DNAH2: variants seen among roughly 807,000 people sequenced by gnomAD.
The protein encoded by DNAH2 is axonemal beta dynein heavy chain 2.
DNAH2 carries 323 observed loss-of-function variants against 523.5 expected under a neutral mutation model. The ratio of observed to expected loss-of-function variants is 0.62; its 90% CI spans 0.56 to 0.68. The LOEUF (loss-of-function observed/expected upper bound fraction) is 0.68. Ranked by LOEUF, DNAH2 falls within the 30% of genes least tolerant of loss-of-function variation. DNAH2 has a pLI of 0.00. For missense variants in DNAH2, 4,907 were observed against 5,701.5 expected (o/e 0.86, Z 4.49); for synonymous variants, 2,093 against 2,177.4 (o/e 0.96, Z 1.08).
chr17:7,803,025 G>A (rs1043659949), intron 58 of DNAH2, among the ~76,000 whole-genome samples: 6 of 152,072 alleles, frequency 3.9e-5, no homozygotes, highest in South Asian at 2.1e-4. Context: ...ATGTGGATAC[G>A]GAAGGCTGGC....
At chr17:7,819,928 C>G (rs2077807249) in intron 72 of DNAH2, among the ~76,000 whole-genome samples, 1 of 152,172 alleles carries the variant, frequency 6.6e-6, no homozygotes, top group African/African-American at 2.4e-5. Flanking sequence ...CACCAACACC[C>G]ACAACCCAGT....
At chr17:7,824,461 C>T in intron 76 of DNAH2, 76 bp from the exon 77 acceptor site, 5 of 1,422,548 alleles carry the variant, frequency 3.5e-6, no homozygotes, top group Non-Finnish European at 4.6e-6. Flanking sequence ...CACCCCCACC[C>T]CAACACCAGG....
chr17:7,782,585 A>G (rs1377663448), intron 39 of DNAH2, among the ~76,000 whole-genome samples: 2 of 152,200 alleles, frequency 1.3e-5, no homozygotes, highest in Non-Finnish European at 2.9e-5. Flanking sequence ...AAAATCACAA[A>G]ACACACAAGG....
In DNAH2 at chr17:7,797,835, C is replaced by A; in HGVS notation, c.8230+6C>A. On this transcript the variant is annotated splice_donor_region_variant and intron_variant, in intron 53 of 85. Transcript: ENST00000572933. ...CCGAGAGGCTATTGAACACAGTGAGCACCTGCCACGCCTATCCCCTTCCCC... is the reference window on the plus strand; with the variant it reads ...CCGAGAGGCTATTGAACACAGTGAGAACCTGCCACGCCTATCCCCTTCCCC... The A allele has an allele frequency of 6.2e-7, 1 of 1,605,962 alleles. No homozygotes were observed. Among genetic ancestry groups the A allele is most frequent in the Non-Finnish European group, 8.5e-7 (1 of 1,175,680 alleles).
intron 12 of DNAH2, among the ~76,000 whole-genome samples, chr17:7,746,923 G>T (rs2075533282): frequency 6.6e-6 from 1 of 151,630 alleles, no homozygotes; most frequent in African/African-American, 2.4e-5. Context: ...GGAGGCGGAG[G>T]TTGCAGTGAG....
intron 52 of DNAH2, 52 bp from the exon 53 acceptor site, chr17:7,797,628 G>A: frequency 1.2e-6 from 2 of 1,613,864 alleles, no homozygotes; most frequent in South Asian, 2.2e-5. Context: ...AGCCCTGTGG[G>A]GGGAGGCAAA....
intron 77 of DNAH2, 141 bp from the exon 78 acceptor site, chr17:7,830,152 TAGATCAA>T: frequency 1.3e-6 from 1 of 760,712 alleles, no homozygotes; most frequent in South Asian, 2.1e-5. Flanking sequence ...TCTTGGCATG[TAGATCAA>T]CGGCTACATT....
At position 7,830,737 on chromosome 17, in the gene DNAH2, G is replaced by T. The variant is rs750520742; in HGVS notation, c.12125G>T (p.Gly4042Val). ...PWDALKYLIAGINYGGHVTDD... is the reference protein window; with the variant it reads ...PWDALKYLIAVINYGGHVTDD... Reference sequence around the variant, plus strand: ...GACGCACTTAAGTACCTCATTGCCGGCATCAACTATGGTGGACATGTCACA... The same window carrying T: ...GACGCACTTAAGTACCTCATTGCCGTCATCAACTATGGTGGACATGTCACA... The change falls in exon 79 of 86, where the codon GGC (glycine) becomes GTC (valine). Residue 4042 changes from glycine to valine, a missense_variant. Gly to Val is a moderately radical substitution (Grantham distance 109, BLOSUM62 -3). Around this residue, in one of 3 missense-constraint regions of DNAH2, gnomAD observed 1,851 missense variants for 2,139.4 expected, o/e 0.87. Transcript: ENST00000572933. The T allele has an allele frequency of 2.5e-5, 41 of 1,614,054 alleles. 1 individual carries two copies. Among genetic ancestry groups the T allele is most frequent in the South Asian group, 1.3e-4 (12 of 91,090 alleles).
intron 8 of DNAH2, chr17:7,739,089 G>A (rs1468141813): frequency 1.5e-6 from 1 of 682,488 alleles, no homozygotes; most frequent in African/African-American, 1.8e-5. Flanking sequence ...CCAGGAACCA[G>A]GGCAAACGGG....
chr17:7,767,965 G>C lies in DNAH2; in HGVS notation c.3741G>C (p.Trp1247Cys). 1 of 1,614,158 alleles carries C rather than the reference G, an allele frequency of 6.2e-7. No homozygotes were observed. The highest frequency in any genetic ancestry group is 8.5e-7 in the Non-Finnish European group (1 of 1,180,036). ...ARDWEENWNEWKTGRFLILQT... is the reference protein window; with the variant it reads ...ARDWEENWNECKTGRFLILQT... ...ACTGGGAGGAGAACTGGAATGAGTG[G>C]AAGACTGGCCGGTTCCTGATCCTGC... The change falls in exon 23 of 86, where the codon TGG (tryptophan) becomes TGC (cysteine). Residue 1247 changes from tryptophan to cysteine, a missense_variant. Around this residue, in one of 3 missense-constraint regions of DNAH2, gnomAD observed 2,806 missense variants for 3,190.8 expected, o/e 0.88. Transcript: ENST00000572933.
Position 7,794,363 on chromosome 17 carries a change from G to C in DNAH2, c.7674+5G>C, listed in dbSNP as rs1259712625. Reference sequence around the variant, plus strand: ...ATCAACATGACCTTCCCCACAGTGAGGACCTCATGGGGGCTGCAGGACGAG... The same window carrying C: ...ATCAACATGACCTTCCCCACAGTGACGACCTCATGGGGGCTGCAGGACGAG... On this transcript the variant is annotated splice_donor_5th_base_variant and intron_variant, in intron 49 of 85. Transcript: ENST00000572933. 3 of 1,603,622 alleles carry C rather than the reference G, an allele frequency of 1.9e-6. No homozygotes were observed. The highest frequency in any genetic ancestry group is 2.6e-6 in the Non-Finnish European group (3 of 1,175,042).
intron 4 of DNAH2, among the ~76,000 whole-genome samples, chr17:7,731,133 T>TAAA (rs1387953923): frequency 2.9e-4 from 33 of 114,706 alleles, no homozygotes; most frequent in South Asian, 1.9e-3. Context: ...AATAAATAAA[T>TAAA]TAATTAAATT....
rs1597440907 is a variant in DNAH2, at chr17:7,719,810, A to C, written c.76A>C (p.Thr26Pro). 6.2e-7 allele frequency: 1 copy of C among 1,613,052 alleles called. No individual in the cohort carries two copies. The highest frequency in any genetic ancestry group is 8.5e-7 in the Non-Finnish European group (1 of 1,179,580). Residue 26 changes from threonine to proline, a missense_variant, in exon 2 of 86, where the codon ACT becomes CCT. By Grantham distance (38) the Thr-to-Pro change is conservative. Coordinates refer to ENST00000572933, the MANE Select transcript of DNAH2 (RefSeq NM_020877.5). ...SSQASWSGRA[T>P]RAAVATQEQG... ...CCAGGCAAGCTGGTCAGGGCGGGCC[A>C]CTCGGGCTGCTGTGGCCACACAGGA...
Position 7,756,449 on chromosome 17 carries a change from A to AT in DNAH2, c.1905-636dup, listed in dbSNP as rs549469386. ...CACTACCATGCCTGGCTAATTTTTGATTTTTTGTAGAGATGGGGGTCTCAC... is the reference window on the plus strand; with the variant it reads ...CACTACCATGCCTGGCTAATTTTTGATTTTTTTGTAGAGATGGGGGTCTCAC... On this transcript the variant is annotated intron_variant, in intron 12 of 85. Coordinates refer to ENST00000572933, the MANE Select transcript of DNAH2 (RefSeq NM_020877.5). Among the ~76,000 whole-genome samples, 144 of 150,452 alleles carry AT rather than the reference A, an allele frequency of 9.6e-4. 1 individual carries two copies. The highest frequency in any genetic ancestry group is 3.4e-3 in the African/African-American group (138 of 40,962).
intron 12 of DNAH2, among the ~76,000 whole-genome samples, chr17:7,752,103 C>T (rs962072258): frequency 6.8e-6 from 1 of 146,056 alleles, no homozygotes; most frequent in Non-Finnish European, 1.5e-5. Context: ...CGGGCCTGGC[C>T]AACAGTGTTT....
Position 7,758,624 on chromosome 17 carries a change from C to T in DNAH2, c.2181C>T (p.Ile727=). 6.2e-7 allele frequency: 1 copy of T among 1,613,980 alleles called. No individual in the cohort carries two copies. The highest frequency in any genetic ancestry group is 8.5e-7 in the Non-Finnish European group (1 of 1,179,986). Residue 727 remains isoleucine (I), a synonymous_variant, in exon 14 of 86, where the codon ATC becomes ATT. Coordinates refer to ENST00000572933, the MANE Select transcript of DNAH2 (RefSeq NM_020877.5). ...TGAAGGGGGCCAGTGCCTTCTTCAT[C>T]ACGGAGTGCCGTATACATGCCAGCA... is the stretch of plus-strand genomic sequence containing the variant. ...WALKGASAFF[I]TECRIHASKV...
chr17:7,807,474 A>T lies in DNAH2; in HGVS notation c.9617A>T (p.Tyr3206Phe). ...LCMWVRAMEL[Y>F]GRLYRVVEPK... ...AGCCTGACTGTCTCCCCACAGCTGT[A>T]TGGGCGGCTATATCGGGTGGTGGAG... The change falls in exon 63 of 86, where the codon TAT (tyrosine) becomes TTT (phenylalanine). Residue 3206 changes from tyrosine (Y) to phenylalanine (F), a missense_variant. Tyr to Phe is a conservative substitution (Grantham distance 22). This residue lies in a region of DNAH2 where 1,851 missense variants were observed against 2,139.4 expected (regional missense o/e 0.87). Coordinates refer to ENST00000572933, the MANE Select transcript of DNAH2 (RefSeq NM_020877.5). The surrounding 1 kb of genome is among the most constrained non-coding windows in gnomAD (Gnocchi z 5.6). 2 of 1,613,420 alleles carry T rather than the reference A, an allele frequency of 1.2e-6. No homozygotes were observed.
chr17:7,833,138 T>G lies in DNAH2; in HGVS notation c.13046T>G (p.Val4349Gly). Residue 4349 changes from valine to glycine, a missense_variant, in exon 85 of 86, where the codon GTG (valine) becomes GGG (glycine). This residue lies in a region of DNAH2 where 1,851 missense variants were observed against 2,139.4 expected (regional missense o/e 0.87). Transcript: ENST00000572933. ...AGWDRKNSCL[V>G]EAEPMQLVCL... ...TGGGACCGGAAGAACTCCTGCTTGGTGGAGGCAGAGCCCATGCAGCTTGTC... is the reference window on the plus strand; with the variant it reads ...TGGGACCGGAAGAACTCCTGCTTGGGGGAGGCAGAGCCCATGCAGCTTGTC... 6.2e-7 allele frequency: 1 copy of G among 1,611,958 alleles called. No homozygotes were observed. The highest frequency in any genetic ancestry group is 8.5e-7 in the Non-Finnish European group (1 of 1,180,014).
chr17:7,745,318 G>C (rs142054358), intron 12 of DNAH2, among the ~76,000 whole-genome samples: 2 of 152,152 alleles, frequency 1.3e-5, no homozygotes, highest in African/African-American at 2.4e-5. Context: ...TCAAATATGA[G>C]AGAAAACAAA....
Sources: gnomAD v4.1 joint callset for allele counts (sites outside exome capture counted in the v4.1 genomes callset) on GRCh38, gnomAD v4.1.1 for gene constraint, gnomAD v4.1.1 regional missense constraint, Gnocchi (gnomAD v3.1) non-coding constraint, MANE v1.5 for transcripts, NCBI Gene and HGNC (gene_info 2026-07-23, HGNC 2026-07-21) for gene names.